The following GSE1 variants were observed in gnomAD, a reference collection of about 807,000 sequenced individuals.
GSE1 encodes Gse1 coiled-coil protein, also known as genetic suppressor element 1.
In GSE1, 32 loss-of-function variants were observed where a neutral mutation model predicts 112.6. The observed-to-expected ratio is 0.28, with a 90% CI of 0.21 to 0.38. The LOEUF (loss-of-function observed/expected upper bound fraction) is 0.38. Ranked by LOEUF, GSE1 falls within the 10% of genes least tolerant of loss-of-function variation. The pLI is 1.00. For synonymous variants in GSE1, 1,115 were observed against 735.6 expected, an observed-to-expected ratio of 1.52 and a Z score of -8.35; for missense variants, 2,348 against 1,699.2, an observed-to-expected ratio of 1.38 and a Z score of -6.71.
chr16:85,553,129 T>C (rs1598154653), upstream of GSE1, among the ~76,000 whole-genome samples: 1 of 148,868 alleles, frequency 6.7e-6, no homozygotes, highest in Non-Finnish European at 1.5e-5. Context: ...ACCCGCGCTC[T>C]GGCCGCCCCC....
intron 1 of GSE1, among the ~76,000 whole-genome samples, chr16:85,308,785 A>G (rs929098275): frequency 6.6e-6 from 1 of 151,166 alleles, no homozygotes; most frequent in African/African-American, 2.4e-5. Flanking sequence ...AGCAAAAGCC[A>G]TTTTGGAGAG....
At chr16:85,278,787 A>C (rs2044770037) in intron 1 of GSE1, 1 of 166,878 alleles carries the variant, frequency 6.0e-6, no homozygotes, top group Non-Finnish European at 1.3e-5. Flanking sequence ...TTTTAGGTCA[A>C]CCCAAGAAGA....
chr16:85,666,107 C>G lies in GSE1; in HGVS notation c.2890C>G (p.Gln964Glu). The G allele has an allele frequency of 6.2e-7, 1 of 1,613,240 alleles. No homozygotes were observed. Among genetic ancestry groups the G allele is most frequent in the East Asian group, 2.2e-5 (1 of 44,874 alleles). The change falls in exon 13 of 16, where the codon CAG becomes GAG. Residue 964 changes from glutamine to glutamate, a missense_variant. Gln to Glu is a conservative substitution (Grantham distance 29). Transcript: ENST00000253458. ...CCGGCCCCAGGAGCTGTCGAGAGTC[C>G]AGGAGCTAGCTCCTGCCAGCGGGGA... ...QVRPQELSRV[Q>E]ELAPASGEKA...
chr16:85,418,186 G>A (rs2048746808), intron 2 of GSE1, among the ~76,000 whole-genome samples: 2 of 152,258 alleles, frequency 1.3e-5, no homozygotes, highest in Admixed American at 6.5e-5. Context: ...GCCACATTGC[G>A]AGTCACCATG....
chr16:85,586,522 A>G (rs1182012059), intron 1 of GSE1, among the ~76,000 whole-genome samples: 1 of 152,232 alleles, frequency 6.6e-6, no homozygotes, highest in East Asian at 1.9e-4. Context: ...AGGGGCTCCC[A>G]GGATGGATCC....
At chr16:85,575,248 G>A (rs1437159856) in intron 1 of GSE1, among the ~76,000 whole-genome samples, 7 of 152,232 alleles carry the variant, frequency 4.6e-5, no homozygotes, top group Admixed American at 3.3e-4. Context: ...TCTGCAACCT[G>A]CGGTGCTCCC....
chr16:85,377,761 G>A (rs550508860), intron 2 of GSE1, among the ~76,000 whole-genome samples: 7 of 152,212 alleles, frequency 4.6e-5, no homozygotes, highest in Non-Finnish European at 7.4e-5. Context: ...CCCCAGATTT[G>A]TAAACATGGG....
intron 1 of GSE1, among the ~76,000 whole-genome samples, chr16:85,600,108 C>T (rs1034443499): frequency 5.0e-4 from 76 of 152,228 alleles, no homozygotes; most frequent in Non-Finnish European, 2.8e-4. Context: ...CAGAGAGACA[C>T]GGGGTCCTTC....
chr16:85,323,084 G>A (rs1057221501), intron 1 of GSE1, among the ~76,000 whole-genome samples: 8 of 152,166 alleles, frequency 5.3e-5, no homozygotes, highest in East Asian at 1.9e-4. Flanking sequence ...AGAACAGGGC[G>A]TCATTGTTTG....
chr16:85,653,640 C>T (rs1486434494), intron 3 of GSE1, among the ~76,000 whole-genome samples: 1 of 152,104 alleles, frequency 6.6e-6, no homozygotes, highest in South Asian at 2.1e-4. Flanking sequence ...AGGCCGGTAC[C>T]CCAGCTGGCC....
chr16:85,438,893 C>T (rs1368415613), intron 2 of GSE1, among the ~76,000 whole-genome samples: 3 of 152,188 alleles, frequency 2.0e-5, no homozygotes, highest in African/African-American at 4.8e-5. Flanking sequence ...GGGAATCTAC[C>T]CGTGCAGTCC....
intron 1 of GSE1, among the ~76,000 whole-genome samples, chr16:85,176,784 C>T (rs4293364): frequency 1.3e-5 from 2 of 152,250 alleles, no homozygotes; most frequent in Non-Finnish European, 2.9e-5. Flanking sequence ...GCAGGGACAT[C>T]TGAGGTCTGC....
At chr16:85,637,820 C>T (rs1243685197) in intron 2 of GSE1, among the ~76,000 whole-genome samples, 2 of 152,208 alleles carry the variant, frequency 1.3e-5, no homozygotes, top group African/African-American at 4.8e-5. Context: ...CTGCCAGGTG[C>T]CCAAGAGAGC....
intron 8 of GSE1, among the ~76,000 whole-genome samples, chr16:85,660,726 G>A (rs937593550): frequency 3.3e-5 from 5 of 152,120 alleles, no homozygotes; most frequent in Admixed American, 1.3e-4. Context: ...TGCCTCCTGG[G>A]TTCAAGCAGT....
chr16:85,659,249 C>T lies in GSE1; in HGVS notation c.1640+1645C>T, dbSNP rs1416434173. 6 of 152,260 alleles carry T rather than the reference C, an allele frequency of 3.9e-5. No individual in the cohort carries two copies. In the East Asian group the frequency reaches 1.2e-3, roughly 29 times the overall value. The allele number at this position is 152,260 out of a possible 1,614,324, so 9.4% of individuals were successfully genotyped here. On this transcript the variant is annotated intron_variant, in intron 8 of 15. Coordinates refer to ENST00000253458, the MANE Select transcript of GSE1 (RefSeq NM_014615.5). ...AGGGCTCCCGGGGCAGGCTAGAGAT[C>T]CCTGAGCCCGGCCGTGTGCCTGCTG...
chr16:85,251,132 C>T (rs563422698), intron 1 of GSE1, among the ~76,000 whole-genome samples: 14 of 152,316 alleles, frequency 9.2e-5, no homozygotes, highest in African/African-American at 2.4e-4. Context: ...TGCCTGTGGA[C>T]GCGCGTCTCC....
rs1306164082 is a variant in GSE1 at position 85,217,449 on chromosome 16, G to C, written c.2283+45642G>C. On this transcript the variant is annotated intron_variant, in intron 1 of 2. Transcript: ENST00000637419. ...CCGTGTGCCCTGCAGAGTATGAGAA[G>C]GTGGGAGCTGGAAGGTCCCTGAGCC... Among the ~76,000 whole-genome samples, 7 of 152,344 alleles carry C rather than the reference G, an allele frequency of 4.6e-5. No homozygotes were observed. The East Asian group carries it at 1.2e-3, about 25-fold the overall frequency.
chr16:85,319,697 G>C (rs2046060339), intron 1 of GSE1, among the ~76,000 whole-genome samples: 1 of 152,174 alleles, frequency 6.6e-6, no homozygotes, highest in African/African-American at 2.4e-5. Flanking sequence ...GAGCTTCCCT[G>C]TCATCTTTTA....
chr16:85,171,980 T>C (rs1345440471), intron 1 of GSE1, among the ~76,000 whole-genome samples: 4 of 152,134 alleles, frequency 2.6e-5, no homozygotes, highest in Non-Finnish European at 4.4e-5. Context: ...GCTTGGTGGG[T>C]ACGTTGGCCT....
Sources: allele counts gnomAD v4.1 joint callset (sites outside exome capture counted in the v4.1 genomes callset), GRCh38; gene constraint gnomAD v4.1.1; transcripts MANE v1.5; gene names NCBI Gene and HGNC (gene_info 2026-07-23, HGNC 2026-07-21).